Variants in TRNT1 observed in about 807,000 individuals in gnomAD.
TRNT1 encodes tRNA nucleotidyl transferase 1.
In TRNT1, 44 loss-of-function variants were observed where a neutral mutation model predicts 45.6. That is an observed-to-expected ratio of 0.97 (90% CI 0.76 to 1.24). The LOEUF (loss-of-function observed/expected upper bound fraction) is 1.24, where lower values mean the gene tolerates loss of function less well. Ranked by LOEUF, TRNT1 falls within the 50% of genes most tolerant of loss-of-function variation. The pLI is 0.00. For synonymous variants in TRNT1, 201 were observed against 171.4 expected (o/e 1.17, Z -1.35); for missense variants, 633 against 504.4 (o/e 1.25, Z -2.44).
Position 3,147,714 on chromosome 3 carries a change from A to G in TRNT1, c.1056+11A>G, listed in dbSNP as rs1669348. ...GACTTCATTATAGATGTAAGTATAT[A>G]CTAGGCTTGGTCAGAAATATGAAGT... On this transcript the variant is annotated intron_variant, in intron 7 of 7. Coordinates refer to ENST00000251607, the MANE Select transcript of TRNT1 (RefSeq NM_182916.3). 0.61 allele frequency: 968,888 copies of G among 1,597,412 alleles called. 304,705 individuals are homozygous for G. The highest frequency in any genetic ancestry group is 0.68 in the Middle Eastern group (4,072 of 5,970).
At position 3,144,663 on chromosome 3, in the gene TRNT1, T is replaced by G; in HGVS notation, c.561T>G (p.Ala187=). ...AGAAAGTTAGATTTGTTGGACATGC[T>G]AAACAGAGAATACAAGAGGATTATC... ...KNKKVRFVGH[A]KQRIQEDYLR... is the part of the protein sequence containing the mutation. The change falls in exon 5 of 8, where the codon GCT becomes GCG. Residue 187 remains alanine, a synonymous_variant. Transcript: ENST00000251607. 7 of 1,576,620 alleles carry G rather than the reference T, an allele frequency of 4.4e-6. No homozygotes were observed. Among genetic ancestry groups the G allele is most frequent in the Non-Finnish European group, 6.1e-6 (7 of 1,152,420 alleles).
downstream of TRNT1, among the ~76,000 whole-genome samples, chr3:3,151,375 G>A (rs972648372): frequency 6.6e-6 from 1 of 152,038 alleles, no homozygotes; most frequent in Admixed American, 6.6e-5. Context: ...ATTCTAACTT[G>A]TACTGGCTTT....
In TRNT1 at chr3:3,147,672, C is replaced by T. The variant is rs1307103374; in HGVS notation, c.1025C>T (p.Pro342Leu). Reference protein sequence around the residue: ...DLIKATDSSDPLKPYQDFIID... With the variant: ...DLIKATDSSDLLKPYQDFIID... ...ATTAAAGCAACAGATAGTTCAGACCCATTGAAACCCTATCAAGACTTCATT... is the reference window on the plus strand; with the variant it reads ...ATTAAAGCAACAGATAGTTCAGACCTATTGAAACCCTATCAAGACTTCATT... Residue 342 changes from proline (P) to leucine (L), a missense_variant, in exon 7 of 8, where the codon CCA becomes CTA. By Grantham distance (98) the Pro-to-Leu change is moderately conservative. Transcript: ENST00000251607. The T allele has an allele frequency of 1.2e-6, 2 of 1,612,920 alleles. No individual in the cohort carries two copies. Among genetic ancestry groups the T allele is most frequent in the African/African-American group, 1.3e-5 (1 of 74,768 alleles).
At chr3:3,137,201 A>G in intron 2 of TRNT1, 59 bp from the exon 3 acceptor site, 1 of 1,398,442 alleles carries the variant, frequency 7.2e-7, no homozygotes. Context: ...TTTGTGGTTA[A>G]AATAAACACA....
intron 4 of TRNT1, among the ~76,000 whole-genome samples, chr3:3,142,646 T>G (rs988799360): frequency 4.6e-5 from 7 of 152,238 alleles, no homozygotes; most frequent in African/African-American, 1.7e-4. Flanking sequence ...GCATTCATAG[T>G]TCTGGCATTT....
intron 3 of TRNT1, among the ~76,000 whole-genome samples, chr3:3,138,489 C>T (rs4685608): frequency 0.21 from 31,644 of 152,094 alleles, 4,280 homozygotes; most frequent in East Asian, 0.72. Flanking sequence ...GGATTTTTCA[C>T]TTACTGTGCA....
downstream of TRNT1, chr3:3,150,577 CCATCAATGACATGCTACCAGA>C (rs1706455799): frequency 7.0e-6 from 2 of 286,796 alleles, no homozygotes; most frequent in Admixed American, 9.6e-5. Context: ...TCTTCATGTC[CCATCAATGACATGCTACCAGA>C]CATATCAGAT....
At chr3:3,152,441 C>T, downstream of TRNT1, 1 of 1,608,210 alleles carries the variant, frequency 6.2e-7, no homozygotes, top group South Asian at 1.1e-5. Flanking sequence ...AAAGCAACCA[C>T]CACCATAATA....
chr3:3,133,973 T>G (rs941708586), intron 2 of TRNT1, among the ~76,000 whole-genome samples: 3 of 152,050 alleles, frequency 2.0e-5, no homozygotes, highest in African/African-American at 7.2e-5. Context: ...GTTATAAAAG[T>G]TTTCTGACAC....
At chr3:3,138,857 C>G (rs961150032) in intron 3 of TRNT1, among the ~76,000 whole-genome samples, 2 of 152,134 alleles carry the variant, frequency 1.3e-5, no homozygotes, top group African/African-American at 2.4e-5. Flanking sequence ...CGAGTGTTTT[C>G]TTTCAGGTTG....
downstream of TRNT1, chr3:3,150,283 A>ACTGCATAT (rs1317421968): frequency 6.5e-6 from 1 of 152,790 alleles, no homozygotes. Flanking sequence ...GGCTCAAAAA[A>ACTGCATAT]CTGCATATTT....
rs1705868458 is a variant in TRNT1, at chr3:3,144,614, A to G, written c.512A>G (p.Asn171Ser). 1.3e-6 allele frequency: 2 copies of G among 1,586,434 alleles called. No individual in the cohort carries two copies. The highest frequency in any genetic ancestry group is 1.7e-6 in the Non-Finnish European group (2 of 1,160,872). The change falls in exon 5 of 8, where the codon AAT (asparagine) becomes AGT (serine). Residue 171 changes from asparagine (N) to serine (S), a missense_variant. By Grantham distance (46) the Asn-to-Ser change is conservative. Transcript: ENST00000251607. ...GATGGCACTTTATTTGACTACTTTA[A>G]TGGTTATGAAGATTTAAAAAATAAG... Reference protein sequence around the residue: ...GFDGTLFDYFNGYEDLKNKKV... With the variant: ...GFDGTLFDYFSGYEDLKNKKV...
At chr3:3,147,735 G>T in intron 7 of TRNT1, 32 bp downstream of exon 7, 1 of 1,565,508 alleles carries the variant, frequency 6.4e-7, no homozygotes, top group Non-Finnish European at 8.6e-7. Flanking sequence ...TCAGAAATAT[G>T]AAGTATCGTC....
Position 3,147,302 on chromosome 3 carries a change from C to T in TRNT1, c.803-148C>T, listed in dbSNP as rs143425766. Reference sequence around the variant, plus strand: ...AGAGAATAACAATATATTAGTGGTTCGCCTTTAAGTTGGAACATCAGACTG... The same window carrying T: ...AGAGAATAACAATATATTAGTGGTTTGCCTTTAAGTTGGAACATCAGACTG... On this transcript the variant is annotated intron_variant, in intron 6 of 7. Coordinates refer to ENST00000251607, the MANE Select transcript of TRNT1 (RefSeq NM_182916.3). The T allele has an allele frequency of 6.3e-4, 521 of 827,218 alleles. 3 individuals carry two copies. In the African/African-American group the frequency reaches 7.0e-3, roughly 11 times the overall value. 51.2% of individuals were successfully genotyped at this position (827,218 alleles called of 1,614,324 possible).
In TRNT1 at chr3:3,148,248, A is replaced by G; in HGVS notation, c.*94A>G. 2 of 1,408,916 alleles carry G rather than the reference A, an allele frequency of 1.4e-6. No individual in the cohort carries two copies. Among genetic ancestry groups the G allele is most frequent in the Non-Finnish European group, 1.9e-6 (2 of 1,038,022 alleles). 87.3% of individuals were successfully genotyped at this position (1,408,916 alleles called of 1,614,324 possible). A position where few individuals can be genotyped will look rare whatever the true frequency, so the allele number is the denominator to read the frequency against. ...GTTTTAGAGACTACACCAGAATAAAAGACAGTTTAGGGGACCTCTGTAGAA... is the reference window on the plus strand; with the variant it reads ...GTTTTAGAGACTACACCAGAATAAAGGACAGTTTAGGGGACCTCTGTAGAA... On this transcript the variant is annotated 3_prime_UTR_variant, in exon 8 of 8. Coordinates refer to ENST00000251607, the MANE Select transcript of TRNT1 (RefSeq NM_182916.3).
At chr3:3,134,630 C>T (rs896553636) in intron 2 of TRNT1, among the ~76,000 whole-genome samples, 1 of 151,968 alleles carries the variant, frequency 6.6e-6, no homozygotes, top group African/African-American at 2.4e-5. Flanking sequence ...AAAACTTGTC[C>T]TTTATTTGCT....
At chr3:3,152,624 C>T (rs199995326), downstream of TRNT1, 242 of 1,613,036 alleles carry the variant, frequency 1.5e-4, 1 homozygote, top group African/African-American at 2.8e-3. Context: ...CACGTCAAAA[C>T]GAGAAGTCTA....
At chr3:3,138,230 C>T (rs1296175311) in intron 3 of TRNT1, among the ~76,000 whole-genome samples, 1 of 152,128 alleles carries the variant, frequency 6.6e-6, no homozygotes. Context: ...AAGCCTTACA[C>T]GTCTGAAAAT....
At chr3:3,135,814 A>C (rs1705293289) in intron 2 of TRNT1, among the ~76,000 whole-genome samples, 1 of 152,210 alleles carries the variant, frequency 6.6e-6, no homozygotes, top group Admixed American at 6.5e-5. Context: ...CAACAGGGAC[A>C]CAAGTTGGGT....
Sources: allele counts gnomAD v4.1 joint callset (sites outside exome capture counted in the v4.1 genomes callset), GRCh38; gene constraint gnomAD v4.1.1; transcripts MANE v1.5; gene names NCBI Gene and HGNC (gene_info 2026-07-23, HGNC 2026-07-21).